Variants in MALRD1 observed in about 807,000 individuals in gnomAD.
MALRD1 encodes MAM and LDL receptor class A domain containing 1, also known as MAM and LDL-receptor class A domain-containing protein 1.
In MALRD1, 247 loss-of-function variants were observed where a neutral mutation model predicts 242.1. That is an observed-to-expected ratio of 1.02 (90% CI 0.92 to 1.13). The LOEUF (loss-of-function observed/expected upper bound fraction) is 1.13. Among genes scored for constraint, MALRD1 ranks in the 50% most tolerant of loss-of-function variants. The probability of loss-of-function intolerance (pLI) is 0.00; values close to 1 mark genes in which losing one functional copy is unlikely to be tolerated. For missense variants in MALRD1, 2,989 were observed against 2,533.1 expected (o/e 1.18, Z -3.86); for synonymous variants, 995 against 866.6 (o/e 1.15, Z -2.60).
intron 24 of MALRD1, among the ~76,000 whole-genome samples, chr10:19,333,627 T>C (rs10128520): frequency 0.63 from 95,822 of 151,916 alleles, 30,571 homozygotes; most frequent in African/African-American, 0.72. Context: ...TGTATCTTTT[T>C]GGGAAAAAGA....
At position 19,205,128 on chromosome 10, in the gene MALRD1, G is replaced by A. The variant is rs200967212; in HGVS notation, c.2441G>A (p.Cys814Tyr). ...SAIDDIRFEN[C>Y]TLPLPAESCE... ...ATTGATGACATCCGATTTGAAAATT[G>A]TACTCTCCCTCTTCCTGCTGAGAGC... The change falls in exon 17 of 40, where the codon TGT becomes TAT. Residue 814 changes from cysteine to tyrosine, a missense_variant. By Grantham distance (194) the Cys-to-Tyr change is radical. Coordinates refer to ENST00000454679, the MANE Select transcript of MALRD1 (RefSeq NM_001142308.3). 1.9e-6 allele frequency: 3 copies of A among 1,550,724 alleles called. No homozygotes were observed. The highest frequency in any genetic ancestry group is 2.6e-6 in the Non-Finnish European group (3 of 1,147,020).
intron 32 of MALRD1, among the ~76,000 whole-genome samples, chr10:19,564,570 C>A (rs1211052290): frequency 6.6e-6 from 1 of 151,892 alleles, no homozygotes; most frequent in African/African-American, 2.4e-5. Flanking sequence ...ATTACTGGGT[C>A]TGTGTTTGAC....
intron 19 of MALRD1, 49 bp downstream of exon 19, chr10:19,257,820 G>T: frequency 8.1e-7 from 1 of 1,232,122 alleles, no homozygotes; most frequent in Admixed American, 2.8e-5. Flanking sequence ...CTGTTTACTT[G>T]GAAAACTTGC....
At chr10:19,407,501 A>G (rs973230343) in intron 28 of MALRD1, among the ~76,000 whole-genome samples, 2 of 151,826 alleles carry the variant, frequency 1.3e-5, no homozygotes, top group African/African-American at 4.8e-5. Context: ...ATAAAAATAA[A>G]AATAAAAAAT....
chr10:19,288,122 G>T (rs914899170), intron 21 of MALRD1, among the ~76,000 whole-genome samples: 1 of 151,778 alleles, frequency 6.6e-6, no homozygotes, highest in African/African-American at 2.4e-5. Flanking sequence ...TGCCACACAG[G>T]CTGGAGTGCA....
chr10:19,439,840 G>A lies in MALRD1; in HGVS notation c.4846-10467G>A, dbSNP rs188459083. Among the ~76,000 whole-genome samples, 81 of 151,916 alleles carry A rather than the reference G, an allele frequency of 5.3e-4. 1 individual carries two copies. Among genetic ancestry groups the A allele is most frequent in the Middle Eastern group, 3.4e-3 (1 of 292 alleles). ...ACTCCATTTCCCTTTTACTCCATAG[G>A]CAACCTTTCTAATGTATATTCTTTG... On this transcript the variant is annotated intron_variant, in intron 28 of 39. Coordinates refer to ENST00000454679, the MANE Select transcript of MALRD1 (RefSeq NM_001142308.3).
chr10:19,394,059 G>A (rs1199963261), intron 28 of MALRD1, among the ~76,000 whole-genome samples: 1 of 152,146 alleles, frequency 6.6e-6, no homozygotes. Context: ...AATTGAAGGT[G>A]TTCAGGACTA....
rs143126080 is a variant in MALRD1 at position 19,104,083 on chromosome 10, C to A, written c.694+8C>A. On this transcript the variant is annotated splice_region_variant and intron_variant, in intron 5 of 39. Transcript: ENST00000454679. ...GCTGCTTGCCTGCCAATGGTAAGAA[C>A]TTTTTCTCTCATTTTGATCTTTACT... 1.3e-3 allele frequency: 1,534 copies of A among 1,219,436 alleles called. 23 individuals carry two copies. The African/African-American group carries it at 0.021, about 16-fold the overall frequency. 75.5% of individuals were successfully genotyped at this position (1,219,436 alleles called of 1,614,324 possible).
At chr10:19,628,200 T>C (rs1426596114) in intron 36 of MALRD1, among the ~76,000 whole-genome samples, 1 of 152,178 alleles carries the variant, frequency 6.6e-6, no homozygotes, top group Non-Finnish European at 1.5e-5. Context: ...ACTATAGCTT[T>C]TCTAAATATA....
intron 28 of MALRD1, among the ~76,000 whole-genome samples, chr10:19,424,247 C>A (rs1265928870): frequency 6.6e-6 from 1 of 152,108 alleles, no homozygotes; most frequent in Non-Finnish European, 1.5e-5. Flanking sequence ...GCAACCTGCA[C>A]CTTCCAGGTT....
chr10:19,403,580 A>G (rs1396116312), intron 28 of MALRD1, among the ~76,000 whole-genome samples: 11 of 152,156 alleles, frequency 7.2e-5, no homozygotes, highest in Admixed American at 7.2e-4. Context: ...GAAGTGACTT[A>G]GAGACTTAAG....
At chr10:19,388,873 G>T (rs1846204660) in intron 27 of MALRD1, among the ~76,000 whole-genome samples, 1 of 128,950 alleles carries the variant, frequency 7.8e-6, no homozygotes, top group African/African-American at 2.8e-5. Context: ...AAATTCCATA[G>T]GTCTACTGAA....
chr10:19,073,042 G>A (rs1372256272), intron 2 of MALRD1, among the ~76,000 whole-genome samples: 1 of 151,812 alleles, frequency 6.6e-6, no homozygotes, highest in Admixed American at 6.6e-5. Flanking sequence ...AGGCCCTTGA[G>A]TAGCTGGGAT....
At chr10:19,197,741 C>G (rs7099646) in intron 14 of MALRD1, among the ~76,000 whole-genome samples, 18 of 152,204 alleles carry the variant, frequency 1.2e-4, no homozygotes, top group Middle Eastern at 3.4e-3. Context: ...AATATTCTTC[C>G]TTATTTTATT....
chr10:19,591,090 C>T (rs533123488), intron 33 of MALRD1, among the ~76,000 whole-genome samples: 1 of 152,280 alleles, frequency 6.6e-6, no homozygotes, highest in East Asian at 1.9e-4. Context: ...TAATTCCTGG[C>T]AGATACTTTT....
chr10:19,653,028 C>T (rs899592583), intron 36 of MALRD1, among the ~76,000 whole-genome samples: 3 of 152,116 alleles, frequency 2.0e-5, no homozygotes, highest in Non-Finnish European at 4.4e-5. Flanking sequence ...TCTTGCAAAA[C>T]CTTCTAATGT....
intron 18 of MALRD1, among the ~76,000 whole-genome samples, chr10:19,244,471 G>T (rs1191557234): frequency 1.3e-5 from 2 of 152,076 alleles, no homozygotes; most frequent in African/African-American, 4.8e-5. Flanking sequence ...CTCCAAGGCT[G>T]AGGTGGGAGG....
At chr10:19,511,544 A>G (rs993789951) in intron 31 of MALRD1, among the ~76,000 whole-genome samples, 3 of 152,218 alleles carry the variant, frequency 2.0e-5, no homozygotes, top group African/African-American at 7.2e-5. Context: ...TTCTGGCATA[A>G]TTAACTGCAA....
chr10:19,357,373 C>CA lies in MALRD1; in HGVS notation c.4441+5086dup, dbSNP rs138858113. Among the ~76,000 whole-genome samples, 51 of 145,910 alleles carry CA rather than the reference C, an allele frequency of 3.5e-4. 1 individual carries two copies. Among genetic ancestry groups the CA allele is most frequent in the African/African-American group, 5.8e-4 (23 of 39,942 alleles). ...TGTCTGGCATATGGTAGGAATTTTT[C>CA]AAAAAAAAAAGTCTCATTTTACATT... is the stretch of plus-strand genomic sequence containing the variant. On this transcript the variant is annotated intron_variant, in intron 26 of 39. Transcript: ENST00000454679.
Sources: gnomAD v4.1 joint callset for allele counts (sites outside exome capture counted in the v4.1 genomes callset) on GRCh38, gnomAD v4.1.1 for gene constraint, MANE v1.5 for transcripts, NCBI Gene and HGNC (gene_info 2026-07-23, HGNC 2026-07-21) for gene names.